The following LRRC4C variants were observed in gnomAD, a reference collection of about 807,000 sequenced individuals.
LRRC4C encodes the protein leucine rich repeat containing 4C.
LRRC4C carries 5 observed loss-of-function variants against 33.6 expected under a neutral mutation model. That is an observed-to-expected ratio of 0.15 (90% CI 0.08 to 0.31). The LOEUF (loss-of-function observed/expected upper bound fraction) is 0.31, where lower values mean the gene tolerates loss of function less well. Ranked by LOEUF, LRRC4C falls within the 10% of genes least tolerant of loss-of-function variation. The pLI, the probability that LRRC4C is intolerant of heterozygous loss-of-function variation, is 1.00. For missense variants in LRRC4C, 560 were observed against 796.7 expected (o/e 0.70, Z 3.58); for synonymous variants, 329 against 302.0 (o/e 1.09, Z -0.93).
At chr11:40,928,347 G>A (rs1957480174) in intron 2 of LRRC4C, among the ~76,000 whole-genome samples, 1 of 151,394 alleles carries the variant, frequency 6.6e-6, no homozygotes, top group Non-Finnish European at 1.5e-5. Flanking sequence ...AAAACATATT[G>A]AAAATTAAAT....
At chr11:40,840,720 A>G (rs565894517) in intron 2 of LRRC4C, among the ~76,000 whole-genome samples, 13 of 152,334 alleles carry the variant, frequency 8.5e-5, no homozygotes, top group African/African-American at 3.1e-4. Context: ...GACTTTAAGA[A>G]AAAAGATTTA....
intron 5 of LRRC4C, among the ~76,000 whole-genome samples, chr11:40,234,763 C>T (rs1050353125): frequency 1.3e-5 from 2 of 152,134 alleles, no homozygotes; most frequent in Non-Finnish European, 2.9e-5. Context: ...AGAGAGAAAC[C>T]CTGTCTTAAA....
chr11:40,832,621 G>A (rs376221801), intron 2 of LRRC4C, among the ~76,000 whole-genome samples: 17 of 152,002 alleles, frequency 1.1e-4, no homozygotes, highest in Non-Finnish European at 2.4e-4. Flanking sequence ...TAAAAGCCGC[G>A]GTGGGAATCT....
chr11:41,447,800 C>A (rs71486312), intron 1 of LRRC4C, among the ~76,000 whole-genome samples: 2 of 152,102 alleles, frequency 1.3e-5, no homozygotes, highest in African/African-American at 4.8e-5. Context: ...GCCATTCATT[C>A]TTCTATCCTG....
At chr11:40,521,872 A>T (rs968068412) in intron 3 of LRRC4C, among the ~76,000 whole-genome samples, 3 of 152,126 alleles carry the variant, frequency 2.0e-5, no homozygotes, top group African/African-American at 4.8e-5. Context: ...CGTCTCAAAA[A>T]AATAAAATAA....
At chr11:40,563,129 GT>G (rs1957617994) in intron 3 of LRRC4C, among the ~76,000 whole-genome samples, 1 of 152,010 alleles carries the variant, frequency 6.6e-6, no homozygotes, top group Non-Finnish European at 1.5e-5. Context: ...TCAAAGAGTG[GT>G]TTGAGAAAGT....
At chr11:40,211,265 C>T (rs978058372) in intron 5 of LRRC4C, among the ~76,000 whole-genome samples, 5 of 152,086 alleles carry the variant, frequency 3.3e-5, no homozygotes, top group African/African-American at 7.2e-5. Flanking sequence ...TACCTAAACC[C>T]GTGCTTGGCA....
chr11:41,447,962 T>C (rs979595076), intron 1 of LRRC4C, among the ~76,000 whole-genome samples: 4 of 152,040 alleles, frequency 2.6e-5, no homozygotes, highest in African/African-American at 9.7e-5. Context: ...TTGCTTACAA[T>C]TTTATATCAG....
chr11:40,430,412 C>T (rs1048570874), intron 3 of LRRC4C, among the ~76,000 whole-genome samples: 1 of 152,010 alleles, frequency 6.6e-6, no homozygotes, highest in African/African-American at 2.4e-5. Flanking sequence ...TAGTTTGAAG[C>T]ACAGTGAAAG....
chr11:40,981,518 A>C (rs1276485313), intron 1 of LRRC4C, among the ~76,000 whole-genome samples: 1 of 152,180 alleles, frequency 6.6e-6, no homozygotes, highest in Non-Finnish European at 1.5e-5. Context: ...CCTCACTACC[A>C]CTGTAAGTGG....
rs73473346 is a variant in LRRC4C, at chr11:40,733,011, C to G, written c.-406-84733G>C. 4.5e-3 allele frequency among the ~76,000 whole-genome samples: 660 copies of G among 147,610 alleles called. 10 individuals are homozygous for G. The highest frequency in any genetic ancestry group is 0.016 in the African/African-American group (640 of 40,028). ...GATCCACATCTAGTAACTACCATCACAGAGGTTGGAATGTATGTCTGCCTG... is the reference window on the plus strand; with the variant it reads ...GATCCACATCTAGTAACTACCATCAGAGAGGTTGGAATGTATGTCTGCCTG... On this transcript the variant is annotated intron_variant, in intron 2 of 6. Transcript: ENST00000528697.
intron 1 of LRRC4C, among the ~76,000 whole-genome samples, chr11:41,357,594 G>A (rs569654618): frequency 2.5e-4 from 38 of 152,024 alleles, no homozygotes; most frequent in East Asian, 5.8e-4. Context: ...CTTTCCTAAC[G>A]TCCTTGTTCT....
At chr11:41,214,213 A>C (rs1390301644) in intron 1 of LRRC4C, among the ~76,000 whole-genome samples, 1 of 152,110 alleles carries the variant, frequency 6.6e-6, no homozygotes, top group Non-Finnish European at 1.5e-5. Context: ...CACCATTGGC[A>C]GTCTACTCAG....
chr11:41,090,376 T>C (rs1940323821), intron 1 of LRRC4C, among the ~76,000 whole-genome samples: 1 of 152,142 alleles, frequency 6.6e-6, no homozygotes, highest in African/African-American at 2.4e-5. Flanking sequence ...ATTTTTGGTT[T>C]TATCTCTGTT....
intron 3 of LRRC4C, among the ~76,000 whole-genome samples, chr11:40,419,913 A>G (rs1395112077): frequency 6.6e-6 from 1 of 152,160 alleles, no homozygotes; most frequent in Non-Finnish European, 1.5e-5. Flanking sequence ...AGGTCCAGAT[A>G]TTTGGTGAAC....
At chr11:41,431,446 G>T (rs1955231130) in intron 1 of LRRC4C, among the ~76,000 whole-genome samples, 1 of 152,016 alleles carries the variant, frequency 6.6e-6, no homozygotes, top group African/African-American at 2.4e-5. Context: ...GTCCACCAAT[G>T]TAGGTATAAT....
intron 3 of LRRC4C, among the ~76,000 whole-genome samples, chr11:40,439,221 T>C (rs1273926286): frequency 6.6e-6 from 1 of 151,756 alleles, no homozygotes; most frequent in African/African-American, 2.4e-5. Flanking sequence ...ATTAGAGGCG[T>C]GAGCCACTGG....
Position 40,621,001 on chromosome 11 carries a change from G to T in LRRC4C, c.-270+27141C>A, listed in dbSNP as rs77462932. ...GTTTTTTTCTGATGAGCAGGTGAGG[G>T]CTGGAGAGTGCATATACCACCAAAT... On this transcript the variant is annotated intron_variant, in intron 3 of 6. Transcript: ENST00000528697. Among the ~76,000 whole-genome samples the T allele has an allele frequency of 8.3e-3, 1,258 of 151,722 alleles. 15 individuals are homozygous for T. The highest frequency in any genetic ancestry group is 0.028 in the African/African-American group (1,170 of 41,448).
At chr11:40,842,068 G>A (rs922952070) in intron 2 of LRRC4C, among the ~76,000 whole-genome samples, 5 of 152,156 alleles carry the variant, frequency 3.3e-5, no homozygotes, top group Non-Finnish European at 7.3e-5. Flanking sequence ...TATAAATCAC[G>A]ACAATTTCCT....
Sources: gnomAD v4.1 joint callset for allele counts (sites outside exome capture counted in the v4.1 genomes callset) on GRCh38, gnomAD v4.1.1 for gene constraint, MANE v1.5 for transcripts, NCBI Gene and HGNC (gene_info 2026-07-23, HGNC 2026-07-21) for gene names.